FRMD4B: variants seen among roughly 807,000 people sequenced by gnomAD.
The protein encoded by FRMD4B is FERM domain containing 4B.
Under a neutral mutation model 141.5 loss-of-function variants are expected in FRMD4B, and 74 were observed. That is an observed-to-expected ratio of 0.52 (90% CI 0.43 to 0.63). The LOEUF is 0.63. Among genes scored for constraint, FRMD4B ranks in the 30% least tolerant of loss-of-function variants. The probability of loss-of-function intolerance (pLI) is 0.00; values close to 1 mark genes in which losing one functional copy is unlikely to be tolerated. For synonymous variants in FRMD4B, 506 were observed against 467.9 expected, an observed-to-expected ratio of 1.08 and a Z score of -1.05; for missense variants, 1,366 against 1,253.4, an observed-to-expected ratio of 1.09 and a Z score of -1.36.
intron 11 of FRMD4B, among the ~76,000 whole-genome samples, chr3:69,212,393 G>GAAAA (rs1416827018): frequency 7.7e-5 from 6 of 77,764 alleles, no homozygotes; most frequent in Non-Finnish European, 2.6e-5. Flanking sequence ...AAAAAAAAAA[G>GAAAA]AAAAAAAAGA....
intron 9 of FRMD4B, among the ~76,000 whole-genome samples, chr3:69,220,049 C>T (rs1188909896): frequency 6.6e-6 from 1 of 152,128 alleles, no homozygotes; most frequent in Non-Finnish European, 1.5e-5. Flanking sequence ...GATTCCATGT[C>T]TTAAGCATGG....
chr3:69,503,055 G>A (rs1002029017), intron 1 of FRMD4B, among the ~76,000 whole-genome samples: 11 of 152,158 alleles, frequency 7.2e-5, no homozygotes, highest in African/African-American at 2.4e-4. Context: ...GAGAGGATAT[G>A]GAGAAATAGG....
rs746573409 is a variant in FRMD4B, at chr3:69,196,257, G to T, written c.1232C>A (p.Ser411Ter). The T allele has an allele frequency of 6.3e-7, 1 of 1,599,338 alleles. No individual in the cohort carries two copies. The highest frequency in any genetic ancestry group is 8.5e-7 in the Non-Finnish European group (1 of 1,175,382). Reference protein sequence around the residue: ...IMASNGSLISSGSQDSEVSEE... With the variant: ...IMASNGSLIS ...GTTCTCTAATCCCAAGATGTTACCT[G>T]AGGAGATTAAACTGCCATTACTTGC... Residue 411 changes from serine (S) to a stop codon, truncating the protein, a stop_gained and splice_region_variant, in exon 14 of 23, where the codon TCA (serine) becomes TAA (stop). Coordinates refer to ENST00000398540, the MANE Select transcript of FRMD4B (RefSeq NM_015123.3). LOFTEE classifies it high-confidence loss of function.
chr3:69,475,699 T>C (rs1444772229), intron 1 of FRMD4B, among the ~76,000 whole-genome samples: 2 of 152,144 alleles, frequency 1.3e-5, no homozygotes, highest in Admixed American at 6.5e-5. Flanking sequence ...AAGCATGATT[T>C]ATAATCCTTT....
chr3:69,231,808 G>A (rs775214310), intron 7 of FRMD4B, among the ~76,000 whole-genome samples: 2 of 152,198 alleles, frequency 1.3e-5, no homozygotes, highest in Non-Finnish European at 2.9e-5. Context: ...TGGGATGTTA[G>A]AAACACTGGC....
intron 7 of FRMD4B, among the ~76,000 whole-genome samples, chr3:69,248,650 A>G (rs963149940): frequency 3.3e-5 from 5 of 152,230 alleles, no homozygotes; most frequent in Admixed American, 2.6e-4. Context: ...CAACGATTGC[A>G]TTAAAAGGAC....
At chr3:69,210,418 T>C (rs1419492104) in intron 11 of FRMD4B, among the ~76,000 whole-genome samples, 1 of 114,760 alleles carries the variant, frequency 8.7e-6, no homozygotes, top group Non-Finnish European at 1.9e-5. Context: ...ACAAGGCTGC[T>C]TTTTTTTTTT....
chr3:69,196,740 C>G (rs1022293183), intron 13 of FRMD4B, 160 bp downstream of exon 13: 5 of 619,562 alleles, frequency 8.1e-6, no homozygotes, highest in South Asian at 4.2e-5. Flanking sequence ...TATTGCCCAT[C>G]ATGTAAACAT....
chr3:69,212,381 GAAAAAAAA>G (rs61444871), intron 11 of FRMD4B, among the ~76,000 whole-genome samples: 1 of 95,598 alleles, frequency 1.0e-5, no homozygotes, highest in Non-Finnish European at 1.9e-5. Flanking sequence ...AAAAAAAAAA[GAAAAAAAA>G]AAAGAAAAAA....
intron 2 of FRMD4B, among the ~76,000 whole-genome samples, chr3:69,398,833 A>G (rs1010303111): frequency 2.0e-5 from 3 of 152,192 alleles, no homozygotes; most frequent in South Asian, 2.1e-4. Flanking sequence ...CTGCCCAAAG[A>G]TACAAACTTC....
chr3:69,502,027 T>A (rs4564983), intron 1 of FRMD4B, among the ~76,000 whole-genome samples: 90,055 of 151,976 alleles, frequency 0.59, 28,655 homozygotes, highest in African/African-American at 0.85. Context: ...CAATGAAATA[T>A]AAGAAGACAC....
At chr3:69,322,584 T>TC (rs1702035480) in intron 1 of FRMD4B, among the ~76,000 whole-genome samples, 3 of 144,320 alleles carry the variant, frequency 2.1e-5, no homozygotes, top group African/African-American at 7.5e-5. Context: ...GTTTAGATTT[T>TC]TCTCTCTCTC....
At chr3:69,360,492 T>TA (rs755627779) in intron 1 of FRMD4B, among the ~76,000 whole-genome samples, 4 of 152,078 alleles carry the variant, frequency 2.6e-5, no homozygotes, top group East Asian at 3.9e-4. Flanking sequence ...TGAATCAAAA[T>TA]AAAAAAAAGC....
intron 5 of FRMD4B, among the ~76,000 whole-genome samples, chr3:69,276,311 C>T (rs1395078387): frequency 1.3e-5 from 2 of 152,140 alleles, no homozygotes; most frequent in African/African-American, 2.4e-5. Flanking sequence ...CTTACTCTGT[C>T]GCCCAGGCTG....
chr3:69,177,007 A>C (rs1049276157), intron 21 of FRMD4B, among the ~76,000 whole-genome samples: 11 of 152,226 alleles, frequency 7.2e-5, no homozygotes, highest in African/African-American at 2.7e-4. Context: ...ATTGAGAATA[A>C]GATTAATTGA....
chr3:69,382,772 T>C (rs1360927632), intron 1 of FRMD4B, among the ~76,000 whole-genome samples: 1 of 151,816 alleles, frequency 6.6e-6, no homozygotes, highest in African/African-American at 2.4e-5. Context: ...GAGAAATTCT[T>C]TCTTTCTGGA....
At chr3:69,510,398 T>C (rs77283582) in intron 1 of FRMD4B, among the ~76,000 whole-genome samples, 4,736 of 152,276 alleles carry the variant, frequency 0.031, 207 homozygotes, top group East Asian at 0.12. Context: ...GTTTTATTCT[T>C]CTCCTTGATA....
intron 2 of FRMD4B, among the ~76,000 whole-genome samples, chr3:69,407,448 G>A (rs928549968): frequency 3.3e-5 from 5 of 152,076 alleles, no homozygotes; most frequent in East Asian, 3.9e-4. Flanking sequence ...CATACAACAC[G>A]GTCCCTAACC....
At chr3:69,318,642 C>G (rs755527747) in intron 1 of FRMD4B, among the ~76,000 whole-genome samples, 1 of 152,172 alleles carries the variant, frequency 6.6e-6, no homozygotes, top group Non-Finnish European at 1.5e-5. Flanking sequence ...ATTTGATGCT[C>G]GCTAGCAACA....
Sources: allele counts gnomAD v4.1 joint callset (sites outside exome capture counted in the v4.1 genomes callset), GRCh38; gene constraint gnomAD v4.1.1; transcripts MANE v1.5; gene names NCBI Gene and HGNC (gene_info 2026-07-23, HGNC 2026-07-21).